ARHGEF3: variants seen among roughly 807,000 people sequenced by gnomAD.
ARHGEF3 encodes 59.8 kDA protein.
ARHGEF3 carries 28 observed loss-of-function variants against 63.2 expected under a neutral mutation model. That is an observed-to-expected ratio of 0.44 (90% CI 0.33 to 0.61). The LOEUF (loss-of-function observed/expected upper bound fraction) is 0.61. ARHGEF3 is among the 20% of genes least tolerant of loss of function. ARHGEF3 has a pLI of 0.03. For synonymous variants in ARHGEF3, 266 were observed against 254.2 expected (o/e 1.05, Z -0.44); for missense variants, 533 against 659.3 (o/e 0.81, Z 2.10).
chr3:56,819,407 G>A (rs986333464), intron 4 of ARHGEF3, among the ~76,000 whole-genome samples: 2 of 152,060 alleles, frequency 1.3e-5, no homozygotes, highest in Non-Finnish European at 2.9e-5. Context: ...TTTCTTCTGA[G>A]AAGCTTTCCC....
intron 2 of ARHGEF3, among the ~76,000 whole-genome samples, chr3:56,757,908 A>C (rs62252666): frequency 6.6e-6 from 1 of 151,282 alleles, no homozygotes; most frequent in Non-Finnish European, 1.5e-5. Flanking sequence ...ATTTTTAGAA[A>C]AGACGGGGTT....
intron 1 of ARHGEF3, among the ~76,000 whole-genome samples, chr3:56,777,178 C>T (rs1481326867): frequency 6.6e-6 from 1 of 152,188 alleles, no homozygotes; most frequent in Non-Finnish European, 1.5e-5. Context: ...CACCCTTTAA[C>T]ACGCAGAGAA....
chr3:56,864,801 A>C (rs909395966), intron 4 of ARHGEF3, among the ~76,000 whole-genome samples: 4 of 152,228 alleles, frequency 2.6e-5, no homozygotes, highest in African/African-American at 9.6e-5. Flanking sequence ...GCCACTTAAC[A>C]TAGACCTTCC....
intron 2 of ARHGEF3, among the ~76,000 whole-genome samples, chr3:56,770,232 C>T (rs746183381): frequency 2.3e-4 from 35 of 151,774 alleles, no homozygotes; most frequent in Non-Finnish European, 3.8e-4. Flanking sequence ...GCCAACATGG[C>T]GAAACCGTCT....
chr3:56,816,245 T>C (rs894360561), intron 4 of ARHGEF3, among the ~76,000 whole-genome samples: 1 of 152,114 alleles, frequency 6.6e-6, no homozygotes, highest in Non-Finnish European at 1.5e-5. Flanking sequence ...CACATCTAGA[T>C]GGTTGCTGGC....
intron 1 of ARHGEF3, among the ~76,000 whole-genome samples, chr3:57,064,251 T>A (rs1705399062): frequency 6.6e-6 from 1 of 152,036 alleles, no homozygotes; most frequent in Admixed American, 6.6e-5. Context: ...AGTGACAGAG[T>A]GAGGCCCCGT....
upstream of ARHGEF3, among the ~76,000 whole-genome samples, chr3:56,805,267 C>T (rs2037821133): frequency 6.6e-6 from 1 of 152,180 alleles, no homozygotes; most frequent in Non-Finnish European, 1.5e-5. Flanking sequence ...ACAGGTCTCA[C>T]TTTGTTGCCC....
intron 4 of ARHGEF3, among the ~76,000 whole-genome samples, chr3:56,809,662 A>G (rs2037992875): frequency 6.6e-6 from 1 of 152,058 alleles, no homozygotes; most frequent in African/African-American, 2.4e-5. Flanking sequence ...TGCCTTTGAG[A>G]GTATTTCATA....
chr3:57,075,587 A>G (rs932759386), intron 1 of ARHGEF3, among the ~76,000 whole-genome samples: 11 of 151,696 alleles, frequency 7.3e-5, no homozygotes, highest in African/African-American at 2.7e-4. Flanking sequence ...AAGGCAGATG[A>G]TCACTTGAGC....
At chr3:56,851,530 G>T (rs2039674322) in intron 4 of ARHGEF3, among the ~76,000 whole-genome samples, 1 of 152,052 alleles carries the variant, frequency 6.6e-6, no homozygotes, top group African/African-American at 2.4e-5. Context: ...TGGGACTACA[G>T]GTGCACACCA....
At chr3:56,739,900 GA>G (rs1460046376) in intron 7 of ARHGEF3, among the ~76,000 whole-genome samples, 1 of 145,888 alleles carries the variant, frequency 6.9e-6, no homozygotes, top group South Asian at 2.4e-4. Context: ...GAGTTTCAAA[GA>G]TTTTTTTTTT....
intron 2 of ARHGEF3, among the ~76,000 whole-genome samples, chr3:56,996,451 G>A (rs567546536): frequency 6.6e-6 from 1 of 152,310 alleles, no homozygotes; most frequent in East Asian, 1.9e-4. Flanking sequence ...AGGAGGTAGG[G>A]CCTCTGGAAG....
chr3:57,019,145 A>G (rs1703141382), intron 2 of ARHGEF3, among the ~76,000 whole-genome samples: 1 of 152,186 alleles, frequency 6.6e-6, no homozygotes, highest in South Asian at 2.1e-4. Flanking sequence ...GGATGGGTGA[A>G]CTGTGACAAA....
At chr3:56,741,184 CTT>C (rs10662620) in intron 7 of ARHGEF3, among the ~76,000 whole-genome samples, 8 of 128,842 alleles carry the variant, frequency 6.2e-5, no homozygotes, top group Admixed American at 1.7e-4. Flanking sequence ...TGCTTTGGTT[CTT>C]TTTTTTTTTT....
intron 2 of ARHGEF3, among the ~76,000 whole-genome samples, chr3:57,008,202 T>A (rs1702542215): frequency 6.6e-6 from 1 of 152,210 alleles, no homozygotes; most frequent in Non-Finnish European, 1.5e-5. Context: ...TGTGAGCTTT[T>A]CAGTATGATT....
intron 2 of ARHGEF3, among the ~76,000 whole-genome samples, chr3:57,000,308 TCCCACACA>T (rs1481758313): frequency 1.1e-4 from 3 of 27,160 alleles, no homozygotes; most frequent in African/African-American, 1.1e-4. Flanking sequence ...AGAGGGTAAC[TCCCACACA>T]CACACACACA....
chr3:57,016,626 C>T (rs576656635), intron 2 of ARHGEF3, among the ~76,000 whole-genome samples: 2 of 152,044 alleles, frequency 1.3e-5, no homozygotes, highest in Non-Finnish European at 2.9e-5. Flanking sequence ...AAAGACTTCT[C>T]GAATGTGTGG....
chr3:57,002,632 T>G (rs1702300260), intron 2 of ARHGEF3, among the ~76,000 whole-genome samples: 1 of 146,810 alleles, frequency 6.8e-6, no homozygotes, highest in Non-Finnish European at 1.5e-5. Flanking sequence ...ATGTGGGGGG[T>G]TGTTACATAG....
intron 3 of ARHGEF3, among the ~76,000 whole-genome samples, chr3:56,899,601 T>C (rs925449970): frequency 1.3e-5 from 2 of 152,220 alleles, no homozygotes; most frequent in African/African-American, 4.8e-5. Flanking sequence ...TAAATATAAA[T>C]ATGAAAGAAA....
Sources: gnomAD v4.1 joint callset for allele counts (sites outside exome capture counted in the v4.1 genomes callset) on GRCh38, gnomAD v4.1.1 for gene constraint, MANE v1.5 for transcripts, NCBI Gene and HGNC (gene_info 2026-07-23, HGNC 2026-07-21) for gene names.